The following NDUFV3 variants were observed in gnomAD, a reference collection of about 807,000 sequenced individuals.
NDUFV3 encodes NADH:ubiquinone oxidoreductase subunit V3, also known as NADH dehydrogenase [ubiquinone] flavoprotein 3, mitochondrial.
NDUFV3 carries 44 observed loss-of-function variants against 37.5 expected under a neutral mutation model. The ratio of observed to expected loss-of-function variants is 1.17; its 90% CI spans 0.92 to 1.51. The LOEUF is 1.51. Among genes scored for constraint, NDUFV3 ranks in the 40% most tolerant of loss-of-function variants. The pLI, the probability that NDUFV3 is intolerant of heterozygous loss-of-function variation, is 0.00. For synonymous variants in NDUFV3, 235 were observed against 239.3 expected, an observed-to-expected ratio of 0.98 and a Z score of 0.17; for missense variants, 580 against 580.4, an observed-to-expected ratio of 1.00 and a Z score of 0.01.
At chr21:42,906,453 G>A (rs1403107495) in intron 3 of NDUFV3, among the ~76,000 whole-genome samples, 1 of 152,016 alleles carries the variant, frequency 6.6e-6, no homozygotes. Context: ...TGATCAGTAC[G>A]CCAAGTGCCG....
intron 1 of NDUFV3, among the ~76,000 whole-genome samples, chr21:42,896,657 C>T (rs944228130): frequency 3.3e-5 from 5 of 151,982 alleles, no homozygotes; most frequent in Non-Finnish European, 1.5e-5. Context: ...TTGAGACCAA[C>T]CTGGGCCACG....
At chr21:42,895,514 C>T (rs113292545) in intron 1 of NDUFV3, among the ~76,000 whole-genome samples, 8,535 of 151,734 alleles carry the variant, frequency 0.056, 349 homozygotes, top group Non-Finnish European at 0.088. Context: ...TAGCCAGGTG[C>T]GGTGGTGCAC....
rs549695979 is a variant in NDUFV3 at position 42,896,629 on chromosome 21, T to A, written c.49-298T>A. On this transcript the variant is annotated intron_variant, in intron 1 of 3. Transcript: ENST00000354250. ...CTTCAGGATCGCTTGAGGCCAGGAG[T>A]TTGAGGAAGCCAGGAGTTTGAGACC... Among the ~76,000 whole-genome samples, 101 of 151,466 alleles carry A rather than the reference T, an allele frequency of 6.7e-4. 1 individual carries two copies. Among genetic ancestry groups the A allele is most frequent in the African/African-American group, 2.2e-3 (91 of 41,326 alleles).
chr21:42,909,112 G>C lies in NDUFV3; in HGVS notation c.*91G>C. 8.0e-7 allele frequency: 1 copy of C among 1,245,112 alleles called. No homozygotes were observed. Among genetic ancestry groups the C allele is most frequent in the Non-Finnish European group, 1.2e-6 (1 of 869,278 alleles). The allele number at this position is 1,245,112 out of a possible 1,614,324, so 77.1% of individuals were successfully genotyped here. A position where few individuals can be genotyped will look rare whatever the true frequency, so the allele number is the denominator to read the frequency against. ...CCACTCAAGAGTCACAAGGCCCGCT[G>C]TGCATAATCGGTTTCACTTTTACCT... On this transcript the variant is annotated 3_prime_UTR_variant, in exon 4 of 4. Transcript: ENST00000354250.
At chr21:42,908,753 CAGAT>C in intron 3 of NDUFV3, 107 bp from the exon 4 acceptor site, 1 of 1,291,292 alleles carries the variant, frequency 7.7e-7, no homozygotes, top group Non-Finnish European at 1.1e-6. Flanking sequence ...GAGCTGTTCA[CAGAT>C]AGGGATGATG....
At chr21:42,908,840 A>G (rs2058753841) in intron 3 of NDUFV3, 24 bp from the exon 4 acceptor site, 1 of 1,613,880 alleles carries the variant, frequency 6.2e-7, no homozygotes, top group Non-Finnish European at 8.5e-7. Flanking sequence ...TGTTGGTCTC[A>G]TGGGCATCGT....
chr21:42,902,077 G>A (rs1356703172), intron 2 of NDUFV3, among the ~76,000 whole-genome samples: 5 of 152,006 alleles, frequency 3.3e-5, no homozygotes, highest in Non-Finnish European at 5.9e-5. Context: ...GTGTGGTGGC[G>A]CATGCCTGTA....
In NDUFV3 at chr21:42,904,627, C is replaced by T. The variant is rs1250404770; in HGVS notation, c.1264+351C>T. On this transcript the variant is annotated intron_variant, in intron 3 of 3. Coordinates refer to ENST00000354250, the MANE Select transcript of NDUFV3 (RefSeq NM_021075.4). Reference sequence around the variant, plus strand: ...CCTCCCAAGTAGCTGAGATTACAGGCGCAGGCCACCACACCTGGCTAATTT... The same window carrying T: ...CCTCCCAAGTAGCTGAGATTACAGGTGCAGGCCACCACACCTGGCTAATTT... 4.9e-5 allele frequency among the ~76,000 whole-genome samples: 7 copies of T among 144,030 alleles called. No homozygotes were observed. The South Asian group carries it at 6.6e-4, about 14-fold the overall frequency. 94.5% of individuals were successfully genotyped at this position (144,030 alleles called of 152,430 possible).
rs773924714 is a variant in NDUFV3, at chr21:42,904,285, T to TGAC, written c.1264+10_1264+12dup. Reference sequence around the variant, plus strand: ...CCGAGGCGGCACACAGGGTATACCTTGACTCGCGCTCCCAAGTGCACCCTG... The same window carrying TGAC: ...CCGAGGCGGCACACAGGGTATACCTTGACGACTCGCGCTCCCAAGTGCACCCTG... On this transcript the variant is annotated intron_variant, in intron 3 of 3. Transcript: ENST00000354250. 15 of 1,580,284 alleles carry TGAC rather than the reference T, an allele frequency of 9.5e-6. No homozygotes were observed. In the Middle Eastern group the frequency reaches 1.1e-3, roughly 112 times the overall value.
chr21:42,893,356 G>A lies in NDUFV3; in HGVS notation c.23G>A (p.Arg8Gln). The A allele has an allele frequency of 6.5e-7, 1 of 1,538,328 alleles. No individual in the cohort carries two copies. Among genetic ancestry groups the A allele is most frequent in the Non-Finnish European group, 8.7e-7 (1 of 1,146,414 alleles). Reference protein sequence around the residue: MAAPCLLRQGRAGALKTM... With the variant: MAAPCLLQQGRAGALKTM... ...GCCATGGCTGCCCCGTGTTTGCTGC[G>A]GCAAGGACGAGCCGGGGCGCTGAAG... The change falls in exon 1 of 4, where the codon CGG (arginine) becomes CAG (glutamine). Residue 8 changes from arginine to glutamine, a missense_variant. Physicochemically the swap from Arg to Gln is conservative, Grantham distance 43. Coordinates refer to ENST00000354250, the MANE Select transcript of NDUFV3 (RefSeq NM_021075.4).
chr21:42,903,480 T>C lies in NDUFV3; in HGVS notation c.468T>C (p.Ser156=), dbSNP rs4148973. 1 of 1,613,828 alleles carries C rather than the reference T, an allele frequency of 6.2e-7. No homozygotes were observed. Among genetic ancestry groups the C allele is most frequent in the Non-Finnish European group, 8.5e-7 (1 of 1,179,976 alleles). Residue 156 remains serine (S), a synonymous_variant, in exon 3 of 4, where the codon TCT becomes TCC. Coordinates refer to ENST00000354250, the MANE Select transcript of NDUFV3 (RefSeq NM_021075.4). ...RKVTSPSSSS[S]SSSSDSESDD... ...TGACGTCGCCTTCGTCTTCATCCTCTTCCAGCTCCTCTGATTCTGAATCTG... is the reference window on the plus strand; with the variant it reads ...TGACGTCGCCTTCGTCTTCATCCTCCTCCAGCTCCTCTGATTCTGAATCTG...
rs919247172 is a variant in NDUFV3 at position 42,896,978 on chromosome 21, T to C, written c.100T>C (p.Leu34=). Reference sequence around the variant, plus strand: ...TCGAGGACTTGCTTCTACGGTTTCTTTGTCTGCGGAATCAGGGAAGAGTGA... The same window carrying C: ...TCGAGGACTTGCTTCTACGGTTTCTCTGTCTGCGGAATCAGGGAAGAGTGA... The part of the protein sequence containing the change: ...VFRGLASTVS[L]SAESGKSEKG... Residue 34 remains leucine, a synonymous_variant, in exon 2 of 4, where the codon TTG becomes CTG. Transcript: ENST00000354250. The C allele has an allele frequency of 6.2e-7, 1 of 1,614,000 alleles. No homozygotes were observed. Among genetic ancestry groups the C allele is most frequent in the African/African-American group, 1.3e-5 (1 of 74,916 alleles).
At chr21:42,898,846 T>G (rs8134442) in intron 2 of NDUFV3, among the ~76,000 whole-genome samples, 2,903 of 152,374 alleles carry the variant, frequency 0.019, 102 homozygotes, top group African/African-American at 0.066. Context: ...AACATTATCC[T>G]CTCCTTTGGT....
At chr21:42,897,493 G>A (rs1480501475) in intron 2 of NDUFV3, among the ~76,000 whole-genome samples, 1 of 152,076 alleles carries the variant, frequency 6.6e-6, no homozygotes, top group Non-Finnish European at 1.5e-5. Context: ...CTTAATCCCA[G>A]TCCAGGACTA....
At chr21:42,904,402 G>A in intron 3 of NDUFV3, 126 bp downstream of exon 3, 1 of 1,298,262 alleles carries the variant, frequency 7.7e-7, no homozygotes, top group Non-Finnish European at 1.1e-6. Flanking sequence ...AATATGGCCT[G>A]TAACGCTGTC....
At chr21:42,895,583 C>T (rs113843203) in intron 1 of NDUFV3, among the ~76,000 whole-genome samples, 4 of 149,728 alleles carry the variant, frequency 2.7e-5, no homozygotes, top group Admixed American at 6.7e-5. Context: ...ACCCAGGAGG[C>T]GGAGGTTGCA....
chr21:42,894,385 A>ATATATTATATATTTATAT (rs377717198), intron 1 of NDUFV3, among the ~76,000 whole-genome samples: 1 of 29,640 alleles, frequency 3.4e-5, no homozygotes, highest in Non-Finnish European at 5.4e-5. Flanking sequence ...TATAATATGT[A>ATATATTATATATTTATAT]AATATATATT....
chr21:42,905,255 C>CG (rs1164198031), intron 3 of NDUFV3, among the ~76,000 whole-genome samples: 10 of 152,138 alleles, frequency 6.6e-5, no homozygotes, highest in African/African-American at 2.4e-4. Flanking sequence ...AGGGGAGCCT[C>CG]CGGTTTAACT....
intron 3 of NDUFV3, among the ~76,000 whole-genome samples, chr21:42,908,534 A>AG (rs1338840240): frequency 1.0e-3 from 151 of 147,570 alleles, no homozygotes; most frequent in Non-Finnish European, 1.7e-3. Context: ...GTTCACAGAT[A>AG]GGTTGATGAA....
Sources: gnomAD v4.1 joint callset for allele counts (sites outside exome capture counted in the v4.1 genomes callset) on GRCh38, gnomAD v4.1.1 for gene constraint, MANE v1.5 for transcripts, NCBI Gene and HGNC (gene_info 2026-07-23, HGNC 2026-07-21) for gene names.